The following PARG variants were observed in gnomAD, a reference collection of about 807,000 sequenced individuals.
PARG encodes the protein mitochondrial poly(ADP-ribose) glycohydrolase.
A neutral mutation model predicts 113.0 loss-of-function variants in PARG; 35 were observed. The observed-to-expected ratio is 0.31, with a 90% CI of 0.24 to 0.41. PARG has a LOEUF of 0.41. Ranked by LOEUF, PARG falls within the 10% of genes least tolerant of loss-of-function variation. The pLI, the probability that PARG is intolerant of heterozygous loss-of-function variation, is 1.00. For synonymous variants in PARG, 330 were observed against 409.9 expected (o/e 0.81, Z 2.36); for missense variants, 797 against 1,169.4 (o/e 0.68, Z 4.64).
chr10:49,933,143 T>A, intron 3 of PARG, 34 bp downstream of exon 3: 1 of 1,425,894 alleles, frequency 7.0e-7, no homozygotes, highest in Non-Finnish European at 9.7e-7. Flanking sequence ...AAGCATATTA[T>A]GCTATTGGAG....
intron 13 of PARG, among the ~76,000 whole-genome samples, chr10:49,844,553 G>A (rs1332735104): frequency 6.6e-6 from 1 of 151,588 alleles, no homozygotes; most frequent in Admixed American, 6.6e-5. Context: ...AACCTGGGAG[G>A]CAGAGGTTGC....
At chr10:49,911,297 A>G (rs1277744065) in intron 7 of PARG, among the ~76,000 whole-genome samples, 6 of 152,074 alleles carry the variant, frequency 3.9e-5, no homozygotes, top group South Asian at 2.1e-4. Context: ...AAAAAAAAAA[A>G]AGAGAAGTAT....
intron 6 of PARG, among the ~76,000 whole-genome samples, chr10:49,920,499 C>A (rs5013291): frequency 3.6e-5 from 2 of 55,878 alleles, no homozygotes; most frequent in African/African-American, 5.3e-5. Context: ...TATATATATA[C>A]ACACACACAC....
chr10:49,917,062 A>G (rs1554847836), intron 6 of PARG, among the ~76,000 whole-genome samples: 1 of 150,848 alleles, frequency 6.6e-6, no homozygotes, highest in Non-Finnish European at 1.5e-5. Flanking sequence ...GGGACATCCA[A>G]GTTCCTTAAG....
intron 17 of PARG, 87 bp downstream of exon 17, chr10:49,820,078 T>C: frequency 1.1e-6 from 1 of 913,174 alleles, no homozygotes; most frequent in Non-Finnish European, 1.7e-6. Flanking sequence ...TCGTACCCAC[T>C]GTGATTCATC....
At chr10:49,881,493 T>C (rs1409107837) in intron 8 of PARG, among the ~76,000 whole-genome samples, 7 of 152,330 alleles carry the variant, frequency 4.6e-5, no homozygotes, top group African/African-American at 1.7e-4. Context: ...TAGAGATGCA[T>C]TTCATTCTCC....
chr10:49,842,177 G>T, intron 14 of PARG, 119 bp from the exon 15 acceptor site: 1 of 669,608 alleles, frequency 1.5e-6, no homozygotes, highest in Non-Finnish European at 2.6e-6. Flanking sequence ...ACAAACCAGT[G>T]TCTGCAGGTC....
chr10:49,874,330 A>G (rs1339659747), intron 9 of PARG, among the ~76,000 whole-genome samples: 1 of 152,340 alleles, frequency 6.6e-6, no homozygotes, highest in Non-Finnish European at 1.5e-5. Context: ...ATCAACATTC[A>G]TTTACATAAA....
intron 16 of PARG, among the ~76,000 whole-genome samples, chr10:49,830,720 C>G (rs1416763960): frequency 2.6e-5 from 4 of 152,132 alleles, no homozygotes; most frequent in African/African-American, 9.6e-5. Flanking sequence ...AAAATAGTAA[C>G]AAAGTCCTGT....
intron 15 of PARG, among the ~76,000 whole-genome samples, chr10:49,834,109 C>T (rs1554830743): frequency 2.0e-5 from 3 of 152,096 alleles, no homozygotes; most frequent in Non-Finnish European, 2.9e-5. Context: ...CTTACACAAG[C>T]GCTCACAAAT....
chr10:49,880,619 C>T (rs1847167391), intron 8 of PARG, among the ~76,000 whole-genome samples: 1 of 152,152 alleles, frequency 6.6e-6, no homozygotes, highest in African/African-American at 2.4e-5. Context: ...AGACCCCCAA[C>T]CAACTGAATG....
chr10:49,851,160 G>T (rs1263721251), intron 13 of PARG, among the ~76,000 whole-genome samples: 1 of 151,410 alleles, frequency 6.6e-6, no homozygotes, highest in Non-Finnish European at 1.5e-5. Context: ...TAAGAAACAT[G>T]GTTATTTTCC....
At chr10:49,822,807 T>C (rs1844168832) in intron 16 of PARG, among the ~76,000 whole-genome samples, 1 of 152,210 alleles carries the variant, frequency 6.6e-6, no homozygotes, top group Non-Finnish European at 1.5e-5. Flanking sequence ...ACAGTGTCAC[T>C]GATGCAGCAT....
At position 49,891,238 on chromosome 10, in the gene PARG, C is replaced by T. The variant is rs549891467; in HGVS notation, c.1738-5943G>A. ...CGGAAGCAGGAGAATTGCCTGAACC[C>T]GGGAGGCAGAGGTTGCAGTGAGCCG... On this transcript the variant is annotated intron_variant, in intron 7 of 17. Coordinates refer to ENST00000616448, the MANE Select transcript of PARG (RefSeq NM_003631.5). Among the ~76,000 whole-genome samples, 176 of 152,234 alleles carry T rather than the reference C, an allele frequency of 1.2e-3. 1 individual carries two copies. In the Middle Eastern group the frequency reaches 0.017, roughly 15 times the overall value.
chr10:49,841,876 T>C (rs1845257619), intron 15 of PARG, 74 bp downstream of exon 15: 5 of 934,280 alleles, frequency 5.4e-6, no homozygotes, highest in Non-Finnish European at 8.4e-6. Flanking sequence ...CCAGAAAGCA[T>C]TAATTTCAGC....
chr10:49,888,990 CTA>C (rs2068040728), intron 7 of PARG, among the ~76,000 whole-genome samples: 1 of 151,462 alleles, frequency 6.6e-6, no homozygotes, highest in South Asian at 2.1e-4. Context: ...TTAAACCTGT[CTA>C]TTCCATTTTA....
chr10:49,882,043 A>G (rs1554839565), intron 8 of PARG, among the ~76,000 whole-genome samples: 1 of 152,240 alleles, frequency 6.6e-6, no homozygotes, highest in Non-Finnish European at 1.5e-5. Context: ...GATTTTAAAA[A>G]TTAATAGTAA....
At chr10:49,914,699 CA>C (rs1250449116) in intron 7 of PARG, among the ~76,000 whole-genome samples, 1 of 152,036 alleles carries the variant, frequency 6.6e-6, no homozygotes, top group Non-Finnish European at 1.5e-5. Context: ...TAAAACTGAC[CA>C]CAAAGCTATG....
At chr10:49,856,444 C>T (rs1377234893) in intron 13 of PARG, among the ~76,000 whole-genome samples, 18 of 152,200 alleles carry the variant, frequency 1.2e-4, no homozygotes, top group African/African-American at 3.4e-4. Flanking sequence ...CCTCCCAAAG[C>T]GCTAGGATTA....
Sources: gnomAD v4.1 joint callset for allele counts (sites outside exome capture counted in the v4.1 genomes callset) on GRCh38, gnomAD v4.1.1 for gene constraint, MANE v1.5 for transcripts, NCBI Gene and HGNC (gene_info 2026-07-23, HGNC 2026-07-21) for gene names.